The following TRAT1 variants were observed in gnomAD, a reference collection of about 807,000 sequenced individuals.
The protein encoded by TRAT1 is T cell receptor associated transmembrane adaptor 1, also known as T-cell receptor-associated transmembrane adapter 1.
A neutral mutation model predicts 20.0 loss-of-function variants in TRAT1; 20 were observed. The observed-to-expected ratio is 1.00, with a 90% CI of 0.70 to 1.45. TRAT1 has a LOEUF of 1.45. TRAT1 is among the 40% of genes most tolerant of loss of function. The pLI is 0.00. For missense variants in TRAT1, 237 were observed against 224.1 expected (o/e 1.06, Z -0.37); for synonymous variants, 77 against 74.2 (o/e 1.04, Z -0.20).
intron 1 of TRAT1, among the ~76,000 whole-genome samples, chr3:108,826,957 G>A (rs1309537138): frequency 6.6e-6 from 1 of 152,148 alleles, no homozygotes; most frequent in Non-Finnish European, 1.5e-5. Context: ...ATGCAATTGT[G>A]AATTTCAAAG....
chr3:108,838,360 A>AGATAGAT (rs1945858886), intron 2 of TRAT1, among the ~76,000 whole-genome samples: 1 of 50,372 alleles, frequency 2.0e-5, no homozygotes, highest in Non-Finnish European at 3.8e-5. Context: ...GATAGATGAT[A>AGATAGAT]GATAGATAGA....
intron 5 of TRAT1, among the ~76,000 whole-genome samples, chr3:108,852,395 A>G (rs1946005752): frequency 4.3e-5 from 1 of 23,360 alleles, no homozygotes; most frequent in South Asian, 2.6e-3. Flanking sequence ...AAACACACGC[A>G]TGCACACACA....
intron 5 of TRAT1, among the ~76,000 whole-genome samples, chr3:108,850,592 T>A (rs1244826188): frequency 2.0e-5 from 3 of 152,044 alleles, no homozygotes; most frequent in Non-Finnish European, 4.4e-5. Flanking sequence ...GCATGAGCCA[T>A]CGTGCCCAGC....
At chr3:108,823,456 T>C (rs796145936) in intron 1 of TRAT1, among the ~76,000 whole-genome samples, 10 of 152,306 alleles carry the variant, frequency 6.6e-5, no homozygotes, top group African/African-American at 2.4e-4. Flanking sequence ...GTTGGATCCA[T>C]ATTGACTCAC....
At chr3:108,832,675 T>G (rs1576519022) in intron 2 of TRAT1, among the ~76,000 whole-genome samples, 2 of 152,188 alleles carry the variant, frequency 1.3e-5, no homozygotes, top group East Asian at 3.9e-4. Flanking sequence ...AATTAGTACC[T>G]CACTCTTTCA....
chr3:108,829,906 C>G (rs1945777765), intron 1 of TRAT1, among the ~76,000 whole-genome samples: 1 of 152,070 alleles, frequency 6.6e-6, no homozygotes, highest in Non-Finnish European at 1.5e-5. Context: ...TTAGAGTATA[C>G]TTCTTCTACT....
rs560836990 is a variant in TRAT1 at position 108,830,815 on chromosome 3, C to A, written c.118+35C>A. Reference sequence around the variant, plus strand: ...TTTGACAAATTTCACATGGTACCTGCTTGAATGGAGACTATGGAGTCACTG... The same window carrying A: ...TTTGACAAATTTCACATGGTACCTGATTGAATGGAGACTATGGAGTCACTG... On this transcript the variant is annotated intron_variant, in intron 2 of 5. Transcript: ENST00000295756. The A allele has an allele frequency of 1.9e-5, 26 of 1,354,758 alleles. 1 individual carries two copies. The South Asian group carries it at 2.7e-4, about 14-fold the overall frequency. 83.9% of individuals were successfully genotyped at this position (1,354,758 alleles called of 1,614,324 possible).
intron 1 of TRAT1, 36 bp from the exon 2 acceptor site, chr3:108,830,634 C>T: frequency 7.3e-7 from 1 of 1,377,578 alleles, no homozygotes; most frequent in African/African-American, 1.4e-5. Flanking sequence ...GGGTAAGCAG[C>T]TGTTATATTA....
intron 2 of TRAT1, among the ~76,000 whole-genome samples, chr3:108,835,583 ATTACC>A (rs1945831501): frequency 6.6e-6 from 1 of 152,190 alleles, no homozygotes; most frequent in African/African-American, 2.4e-5. Flanking sequence ...GCAAAACAAA[ATTACC>A]CAAGTACTGA....
intron 5 of TRAT1, among the ~76,000 whole-genome samples, chr3:108,850,200 A>G (rs11705972): frequency 0.55 from 83,656 of 151,958 alleles, 23,461 homozygotes; most frequent in East Asian, 0.9. Context: ...CCTCTCTTAC[A>G]GAACATTCTC....
intron 2 of TRAT1, among the ~76,000 whole-genome samples, chr3:108,835,916 TATTTATTTATTTATTTA>T (rs1347407702): frequency 6.6e-6 from 1 of 151,016 alleles, no homozygotes; most frequent in Non-Finnish European, 1.5e-5. Flanking sequence ...TTTATTTATT[TATTTATTTATTTATTTA>T]TTTTTTGAGA....
At position 108,830,778 on chromosome 3, in the gene TRAT1, A is replaced by C. The variant is rs776943841; in HGVS notation, c.116A>C (p.Gln39Pro). 3 of 1,603,322 alleles carry C rather than the reference A, an allele frequency of 1.9e-6. No individual in the cohort carries two copies. Among genetic ancestry groups the C allele is most frequent in the Admixed American group, 1.7e-5 (1 of 60,002 alleles). ...NISHYVEKQR[Q>P]DKMYSYSSDH... ...TCCCACTATGTGGAAAAGCAACGAC[A>C]AGGTAAGACATTTTGACAAATTTCA... Residue 39 changes from glutamine to proline, a missense_variant and splice_region_variant, in exon 2 of 6, where the codon CAA becomes CCA. Coordinates refer to ENST00000295756, the MANE Select transcript of TRAT1 (RefSeq NM_016388.4).
chr3:108,833,208 A>G (rs1036028401), intron 2 of TRAT1, among the ~76,000 whole-genome samples: 1 of 152,198 alleles, frequency 6.6e-6, no homozygotes, highest in Admixed American at 6.5e-5. Context: ...GCCTGAGGTC[A>G]GGAGTTCGAG....
chr3:108,838,344 GATATAGATAGATGAT>G (rs747487623), intron 2 of TRAT1, among the ~76,000 whole-genome samples: 3,002 of 86,838 alleles, frequency 0.035, 95 homozygotes, highest in African/African-American at 0.17. Flanking sequence ...ATAGATGATA[GATATAGATAGATGAT>G]AGATAGATAG....
At chr3:108,840,695 A>T (rs1409454427) in intron 3 of TRAT1, among the ~76,000 whole-genome samples, 1 of 152,228 alleles carries the variant, frequency 6.6e-6, no homozygotes, top group Admixed American at 6.5e-5. Context: ...AACCACCAGG[A>T]ATAGGAGTCT....
chr3:108,839,573 G>C (rs1945873366), intron 3 of TRAT1, among the ~76,000 whole-genome samples: 2 of 151,930 alleles, frequency 1.3e-5, no homozygotes, highest in Non-Finnish European at 1.5e-5. Flanking sequence ...TTGAACCCGG[G>C]AGGCGGAGGT....
At chr3:108,841,643 G>C (rs1262776316) in intron 3 of TRAT1, among the ~76,000 whole-genome samples, 1 of 152,026 alleles carries the variant, frequency 6.6e-6, no homozygotes, top group East Asian at 1.9e-4. Flanking sequence ...ATGCTGGAAG[G>C]GAAAGGAATT....
At chr3:108,836,139 C>T (rs190601603) in intron 2 of TRAT1, among the ~76,000 whole-genome samples, 14 of 152,164 alleles carry the variant, frequency 9.2e-5, no homozygotes, top group Admixed American at 1.3e-4. Flanking sequence ...AGGATAGTCC[C>T]GATCTCCCGA....
At chr3:108,836,271 A>G (rs899973720) in intron 2 of TRAT1, among the ~76,000 whole-genome samples, 6 of 152,110 alleles carry the variant, frequency 3.9e-5, no homozygotes, top group Non-Finnish European at 8.8e-5. Flanking sequence ...CAGCGTTCAT[A>G]CTTCAAGCAC....
Sources: allele counts gnomAD v4.1 joint callset (sites outside exome capture counted in the v4.1 genomes callset), GRCh38; gene constraint gnomAD v4.1.1; transcripts MANE v1.5; gene names NCBI Gene and HGNC (gene_info 2026-07-23, HGNC 2026-07-21).